Variants in TGFBR2 observed in about 807,000 individuals in gnomAD.
TGFBR2 encodes the protein transforming growth factor beta receptor 2.
Under a neutral mutation model 49.0 loss-of-function variants are expected in TGFBR2, and 18 were observed. The observed-to-expected ratio is 0.37, with a 90% CI of 0.25 to 0.54. TGFBR2 has a LOEUF of 0.54. Among genes scored for constraint, TGFBR2 ranks in the 20% least tolerant of loss-of-function variants. The pLI is 0.85. For missense variants in TGFBR2, 525 were observed against 722.6 expected, an observed-to-expected ratio of 0.73 and a Z score of 3.13; for synonymous variants, 282 against 275.9, an observed-to-expected ratio of 1.02 and a Z score of -0.22.
At chr3:30,607,863 T>A (rs1299068953) in intron 1 of TGFBR2, among the ~76,000 whole-genome samples, 2 of 144,174 alleles carry the variant, frequency 1.4e-5, no homozygotes, top group Admixed American at 1.4e-4. Context: ...ATATATAATA[T>A]TAATATATAT....
At chr3:30,647,773 T>A (rs1336155642) in intron 2 of TGFBR2, among the ~76,000 whole-genome samples, 3 of 152,094 alleles carry the variant, frequency 2.0e-5, no homozygotes, top group Non-Finnish European at 2.9e-5. Context: ...GCCTCCCGGG[T>A]TCGTGCGATT....
At position 30,692,317 on chromosome 3, in the gene TGFBR2, A is replaced by T. The variant is rs1224009729; in HGVS notation, c.*718A>T. On this transcript the variant is annotated 3_prime_UTR_variant, in exon 7 of 7. Coordinates refer to ENST00000295754, the MANE Select transcript of TGFBR2 (RefSeq NM_003242.6). ...ACTTTTCATTTAAGCTCCAAGCCCC[A>T]AATCTGGGGGGCTAGTTTAGAAACT... 1.3e-5 allele frequency: 3 copies of T among 230,216 alleles called. No individual in the cohort carries two copies. Among genetic ancestry groups the T allele is most frequent in the Non-Finnish European group, 2.6e-5 (3 of 116,094 alleles). 14.3% of individuals were successfully genotyped at this position (230,216 alleles called of 1,614,324 possible).
intron 3 of TGFBR2, among the ~76,000 whole-genome samples, chr3:30,664,547 A>T (rs1426978839): frequency 1.3e-5 from 2 of 151,470 alleles, no homozygotes; most frequent in African/African-American, 4.8e-5. Context: ...AGTATGCCAT[A>T]AAAAAAAATA....
chr3:30,616,140 T>C (rs1052393704), intron 1 of TGFBR2, among the ~76,000 whole-genome samples: 3 of 152,186 alleles, frequency 2.0e-5, no homozygotes, highest in Admixed American at 6.5e-5. Context: ...AGAGTGCCCC[T>C]GAAATTTACA....
chr3:30,663,058 C>G (rs538145975), intron 3 of TGFBR2, among the ~76,000 whole-genome samples: 2 of 152,052 alleles, frequency 1.3e-5, no homozygotes, highest in Non-Finnish European at 2.9e-5. Context: ...CTTAGAATAA[C>G]GAGGTGACAA....
chr3:30,658,575 C>T (rs973667458), intron 3 of TGFBR2, among the ~76,000 whole-genome samples: 11 of 152,174 alleles, frequency 7.2e-5, no homozygotes, highest in African/African-American at 2.4e-4. Context: ...GTTGCTGACT[C>T]GCAAGCTATG....
chr3:30,656,731 T>C (rs571407751), intron 3 of TGFBR2, among the ~76,000 whole-genome samples: 4 of 152,340 alleles, frequency 2.6e-5, no homozygotes, highest in Non-Finnish European at 5.9e-5. Context: ...CTGCTTATTC[T>C]AGAAAATGAG....
rs1371614435 is a variant in TGFBR2 at position 30,692,209 on chromosome 3, T to G, written c.*610T>G. On this transcript the variant is annotated 3_prime_UTR_variant, in exon 7 of 7. Transcript: ENST00000295754. ...ATAATCATTCCCTGCCTAGCACTTCTCTTCTGGCCATGGAACTAAGTACAG... is the reference window on the plus strand; with the variant it reads ...ATAATCATTCCCTGCCTAGCACTTCGCTTCTGGCCATGGAACTAAGTACAG... 1 of 227,984 alleles carries G rather than the reference T, an allele frequency of 4.4e-6. No individual in the cohort carries two copies. Among genetic ancestry groups the G allele is most frequent in the African/African-American group, 2.2e-5 (1 of 45,044 alleles). 14.1% of individuals were successfully genotyped at this position (227,984 alleles called of 1,614,324 possible).
At position 30,613,525 on chromosome 3, in the gene TGFBR2, TG is replaced by T. The variant is rs1559446054; in HGVS notation, c.94+6549del. On this transcript the variant is annotated intron_variant, in intron 1 of 6. Coordinates refer to ENST00000295754, the MANE Select transcript of TGFBR2 (RefSeq NM_003242.6). ...CTCTGTGTGTGTGTGTGTCTGTATG[TG>T]AGAGAGAGAGAGAGAGAGAGAGAGA... Among the ~76,000 whole-genome samples the T allele has an allele frequency of 2.5e-3, 375 of 148,592 alleles. 1 individual carries two copies. Among genetic ancestry groups the T allele is most frequent in the African/African-American group, 8.7e-3 (351 of 40,452 alleles).
chr3:30,637,165 G>A (rs902708431), intron 1 of TGFBR2, among the ~76,000 whole-genome samples: 5 of 152,014 alleles, frequency 3.3e-5, no homozygotes, highest in Admixed American at 1.3e-4. Flanking sequence ...TCAAATTAGG[G>A]AGATTTAAGG....
At chr3:30,618,212 C>T (rs1251718000) in intron 1 of TGFBR2, among the ~76,000 whole-genome samples, 1 of 151,396 alleles carries the variant, frequency 6.6e-6, no homozygotes, top group Admixed American at 6.6e-5. Flanking sequence ...CCCAAGGACC[C>T]ATTTCTTTTT....
chr3:30,640,092 G>T (rs779083801), intron 1 of TGFBR2, among the ~76,000 whole-genome samples: 1 of 152,186 alleles, frequency 6.6e-6, no homozygotes, highest in Non-Finnish European at 1.5e-5. Context: ...TAGGCAGTGA[G>T]TGTGGGGAAA....
At chr3:30,674,044 T>A in intron 4 of TGFBR2, 61 bp from the exon 5 acceptor site, 1 of 1,610,148 alleles carries the variant, frequency 6.2e-7, no homozygotes, top group Non-Finnish European at 8.5e-7. Flanking sequence ...TCAGCTATAT[T>A]GTGAAAATAA....
At chr3:30,649,704 C>G (rs573781119) in intron 2 of TGFBR2, among the ~76,000 whole-genome samples, 1 of 152,108 alleles carries the variant, frequency 6.6e-6, no homozygotes, top group Admixed American at 6.5e-5. Context: ...CCGTTTTTCT[C>G]AGCAGAACCA....
chr3:30,674,015 C>T (rs915856772), intron 4 of TGFBR2, 90 bp from the exon 5 acceptor site: 69 of 1,507,472 alleles, frequency 4.6e-5, no homozygotes, highest in Non-Finnish European at 6.4e-5. Flanking sequence ...AAATCCTCTG[C>T]ACGTGTCAGG....
intron 3 of TGFBR2, among the ~76,000 whole-genome samples, chr3:30,659,327 G>A (rs188146282): frequency 2.0e-4 from 30 of 152,318 alleles, no homozygotes; most frequent in Admixed American, 2.0e-3. Flanking sequence ...AGAGAAATCA[G>A]TTATTTGAGG....
At chr3:30,685,823 G>T (rs1699611374) in intron 5 of TGFBR2, among the ~76,000 whole-genome samples, 1 of 152,200 alleles carries the variant, frequency 6.6e-6, no homozygotes, top group East Asian at 1.9e-4. Context: ...CCCTAGCTTG[G>T]TCAAGGGGAC....
chr3:30,651,271 C>T (rs929827004), intron 3 of TGFBR2, among the ~76,000 whole-genome samples: 2 of 152,202 alleles, frequency 1.3e-5, no homozygotes, highest in African/African-American at 2.4e-5. Flanking sequence ...CCTCCCCTCA[C>T]TCCCAATGCA....
intron 2 of TGFBR2, 134 bp downstream of exon 2, chr3:30,645,049 C>A: frequency 1.2e-6 from 1 of 838,472 alleles, no homozygotes; most frequent in Non-Finnish European, 2.0e-6. Flanking sequence ...TTTAGACCAT[C>A]TCTCTTTCGA....
Sources: gnomAD v4.1 joint callset for allele counts (sites outside exome capture counted in the v4.1 genomes callset) on GRCh38, gnomAD v4.1.1 for gene constraint, MANE v1.5 for transcripts, NCBI Gene and HGNC (gene_info 2026-07-23, HGNC 2026-07-21) for gene names.